Variants in DSE observed in about 807,000 individuals in gnomAD.
DSE encodes dermatan sulfate epimerase.
A neutral mutation model predicts 84.4 loss-of-function variants in DSE; 36 were observed. The observed-to-expected ratio is 0.43, with a 90% CI of 0.33 to 0.56. The LOEUF (loss-of-function observed/expected upper bound fraction) is 0.56. DSE is among the 20% of genes least tolerant of loss of function. The probability of loss-of-function intolerance (pLI) is 0.06; values close to 1 mark genes in which losing one functional copy is unlikely to be tolerated. For synonymous variants in DSE, 410 were observed against 430.1 expected (o/e 0.95, Z 0.58); for missense variants, 862 against 1,169.6 (o/e 0.74, Z 3.84).
chr6:116,341,375 T>A (rs981049161), intron 2 of DSE, among the ~76,000 whole-genome samples: 6 of 152,218 alleles, frequency 3.9e-5, no homozygotes, highest in African/African-American at 1.2e-4. Flanking sequence ...ATTCTGGATA[T>A]TAGCCCTTGT....
chr6:116,367,614 G>T (rs765112907), upstream of DSE, among the ~76,000 whole-genome samples: 1 of 152,134 alleles, frequency 6.6e-6, no homozygotes, highest in Non-Finnish European at 1.5e-5. Context: ...GCCTCTGCTT[G>T]AGATAAAATG....
At chr6:116,393,987 C>G (rs1781076523) in intron 1 of DSE, among the ~76,000 whole-genome samples, 1 of 151,986 alleles carries the variant, frequency 6.6e-6, no homozygotes, top group Non-Finnish European at 1.5e-5. Context: ...TCTGTGCTTT[C>G]TTTGTGTAAG....
At chr6:116,430,908 T>G (rs1167839941) in intron 3 of DSE, 46 bp from the exon 4 acceptor site, 1 of 1,597,392 alleles carries the variant, frequency 6.3e-7, no homozygotes, top group Admixed American at 1.7e-5. Context: ...TGTTTATGCT[T>G]TGTCACAGGC....
intron 1 of DSE, among the ~76,000 whole-genome samples, chr6:116,382,886 A>G (rs766585363): frequency 2.6e-5 from 4 of 152,212 alleles, no homozygotes; most frequent in Admixed American, 2.0e-4. Flanking sequence ...CCCCAGAGTG[A>G]TAGAAATTAC....
intron 2 of DSE, among the ~76,000 whole-genome samples, chr6:116,324,337 G>T (rs1776501556): frequency 6.6e-6 from 1 of 152,156 alleles, no homozygotes; most frequent in South Asian, 2.1e-4. Flanking sequence ...AAGGTATTTT[G>T]ACTATTTTTC....
chr6:116,365,379 A>C (rs570041415), upstream of DSE, among the ~76,000 whole-genome samples: 48 of 152,090 alleles, frequency 3.2e-4, no homozygotes, highest in Non-Finnish European at 4.9e-4. Context: ...TCAGCCTCCC[A>C]AGTAGCTGGG....
At chr6:116,389,481 A>T (rs1780760678) in intron 1 of DSE, among the ~76,000 whole-genome samples, 1 of 152,206 alleles carries the variant, frequency 6.6e-6, no homozygotes, top group Admixed American at 6.5e-5. Flanking sequence ...TTAAATGAAG[A>T]AATAGGTTTA....
Position 116,416,385 on chromosome 6 carries a change from G to C in DSE, c.417-10189G>C, listed in dbSNP as rs1164841026. 2.7e-5 allele frequency among the ~76,000 whole-genome samples: 4 copies of C among 148,478 alleles called. No homozygotes were observed. The East Asian group carries it at 7.8e-4, about 29-fold the overall frequency. ...TGTGTGTGTGTGTGTGTGTGTGTGT[G>C]TGTGTGTGTGTAGCTTTTTGACTGC... On this transcript the variant is annotated intron_variant, in intron 2 of 5. Transcript: ENST00000644252.
intron 2 of DSE, among the ~76,000 whole-genome samples, chr6:116,337,571 C>T (rs1777327330): frequency 6.6e-6 from 1 of 152,108 alleles, no homozygotes; most frequent in Admixed American, 6.5e-5. Context: ...GAGATCACAC[C>T]ATTGCACTCC....
chr6:116,331,186 T>TGCCA (rs1562234873), intron 2 of DSE, among the ~76,000 whole-genome samples: 1 of 152,172 alleles, frequency 6.6e-6, no homozygotes, highest in African/African-American at 2.4e-5. Context: ...TACTGAAAAC[T>TGCCA]TTCTTTCTGT....
chr6:116,349,187 G>A, intron 2 of DSE, among the ~76,000 whole-genome samples: 1 of 152,080 alleles, frequency 6.6e-6, no homozygotes, highest in Non-Finnish European at 1.5e-5. Flanking sequence ...AAATGGATAT[G>A]TATACATATA....
At chr6:116,378,297 T>C (rs888830594) in intron 1 of DSE, among the ~76,000 whole-genome samples, 1 of 152,214 alleles carries the variant, frequency 6.6e-6, no homozygotes, top group Non-Finnish European at 1.5e-5. Context: ...TGGGGTTGCC[T>C]TGAAGGGATG....
chr6:116,349,331 TTC>T (rs2114846401), intron 2 of DSE, among the ~76,000 whole-genome samples: 1 of 152,294 alleles, frequency 6.6e-6, no homozygotes, highest in Non-Finnish European at 1.5e-5. Context: ...CCAATGAAGT[TTC>T]TGTCTTTTGC....
At chr6:116,299,621 T>G (rs1774917246) in intron 2 of DSE, among the ~76,000 whole-genome samples, 1 of 141,094 alleles carries the variant, frequency 7.1e-6, no homozygotes, top group African/African-American at 2.6e-5. Context: ...TGTATGTAGG[T>G]AGGTAGGTAT....
intron 2 of DSE, among the ~76,000 whole-genome samples, chr6:116,337,766 G>T (rs1315894095): frequency 1.3e-5 from 2 of 152,004 alleles, no homozygotes. Flanking sequence ...GATGAAGACA[G>T]AGTTCAGATA....
chr6:116,308,714 G>T (rs1352050751), intron 2 of DSE, among the ~76,000 whole-genome samples: 1 of 151,774 alleles, frequency 6.6e-6, no homozygotes, highest in Non-Finnish European at 1.5e-5. Context: ...GTCTCACTCT[G>T]TCACCCAGGC....
At chr6:116,405,435 A>C (rs1781861485) in intron 2 of DSE, among the ~76,000 whole-genome samples, 1 of 152,136 alleles carries the variant, frequency 6.6e-6, no homozygotes, top group South Asian at 2.1e-4. Flanking sequence ...GTGGAGACAA[A>C]TGCTGGGCTG....
At chr6:116,410,675 A>C (rs1258859977) in intron 2 of DSE, among the ~76,000 whole-genome samples, 1 of 144,598 alleles carries the variant, frequency 6.9e-6, no homozygotes, top group Non-Finnish European at 1.5e-5. Context: ...CAGAGCTTAC[A>C]GTGAGCCAAG....
intron 2 of DSE, among the ~76,000 whole-genome samples, chr6:116,362,591 G>A (rs1172538557): frequency 6.6e-6 from 1 of 152,210 alleles, no homozygotes; most frequent in Non-Finnish European, 1.5e-5. Flanking sequence ...GAATTGGTTA[G>A]CACCTTGATC....
Sources: gnomAD v4.1 joint callset for allele counts (sites outside exome capture counted in the v4.1 genomes callset) on GRCh38, gnomAD v4.1.1 for gene constraint, MANE v1.5 for transcripts, NCBI Gene and HGNC (gene_info 2026-07-23, HGNC 2026-07-21) for gene names.